FAM124B: variants seen among roughly 807,000 people sequenced by gnomAD.
FAM124B encodes the protein protein FAM124B.
FAM124B carries 18 observed loss-of-function variants against 19.7 expected under a neutral mutation model. The ratio of observed to expected loss-of-function variants is 0.92; its 90% confidence interval spans 0.63 to 1.36. The LOEUF (loss-of-function observed/expected upper bound fraction) is 1.36, where lower values mean the gene tolerates loss of function less well. Ranked by LOEUF, FAM124B falls within the 40% of genes most tolerant of loss-of-function variation. FAM124B has a pLI of 0.00. For synonymous variants in FAM124B, 223 were observed against 225.2 expected (o/e 0.99, Z 0.09); for missense variants, 540 against 553.3 (o/e 0.98, Z 0.24).
chr2:224,382,806 C>G (rs1689744654), intron 1 of FAM124B, among the ~76,000 whole-genome samples: 1 of 152,124 alleles, frequency 6.6e-6, no homozygotes, highest in Admixed American at 6.5e-5. Context: ...TAGCCTCTGC[C>G]TACGGGACCC....
intron 1 of FAM124B, among the ~76,000 whole-genome samples, chr2:224,394,275 C>T (rs562865037): frequency 2.6e-5 from 4 of 152,100 alleles, no homozygotes; most frequent in Non-Finnish European, 5.9e-5. Context: ...CACCTATGCC[C>T]CTAGCCCATG....
chr2:224,394,832 A>T (rs140277473), intron 1 of FAM124B, among the ~76,000 whole-genome samples: 193 of 152,142 alleles, frequency 1.3e-3, no homozygotes, highest in African/African-American at 4.4e-3. Context: ...TTCCCTACAC[A>T]CAAGGTGGGT....
At chr2:224,388,728 G>A (rs922255220) in intron 1 of FAM124B, among the ~76,000 whole-genome samples, 5 of 152,204 alleles carry the variant, frequency 3.3e-5, no homozygotes, top group Non-Finnish European at 7.3e-5. Flanking sequence ...GTATTGTTAT[G>A]TGTATTTTAC....
intron 1 of FAM124B, among the ~76,000 whole-genome samples, chr2:224,381,209 G>A (rs1689707373): frequency 6.6e-6 from 1 of 152,176 alleles, no homozygotes; most frequent in African/African-American, 2.4e-5. Context: ...TGTAATCCTA[G>A]CCCTTTGGGA....
Position 224,380,083 on chromosome 2 carries a change from C to T in FAM124B, c.858G>A (p.Gln286=). 1 of 1,551,712 alleles carries T rather than the reference C, an allele frequency of 6.4e-7. No homozygotes were observed. Among genetic ancestry groups the T allele is most frequent in the Non-Finnish European group, 8.7e-7 (1 of 1,147,016 alleles). ...RTSEPRSQRN[Q]GKRSQGHSLE... is the part of the protein sequence containing the mutation. ...GAGAATGCCCCTGGGACCTCTTGCC[C>T]TGGTTCCTCTGGCTCCTGGGTTCTG... Residue 286 remains glutamine (Q), a synonymous_variant, in exon 2 of 2, where the codon CAG becomes CAA. Coordinates refer to ENST00000409685, the MANE Select transcript of FAM124B (RefSeq NM_001122779.2).
chr2:224,392,353 A>G (rs1203007609), intron 1 of FAM124B, among the ~76,000 whole-genome samples: 1 of 152,188 alleles, frequency 6.6e-6, no homozygotes, highest in East Asian at 1.9e-4. Context: ...CTGAAATGAG[A>G]AGATCACTAG....
chr2:224,398,082 A>G (rs1253820614), intron 1 of FAM124B, among the ~76,000 whole-genome samples: 1 of 152,030 alleles, frequency 6.6e-6, no homozygotes, highest in East Asian at 1.9e-4. Context: ...CCCAGTCTCC[A>G]GCCTGTCTTT....
At chr2:224,393,902 G>A (rs1243143446) in intron 1 of FAM124B, among the ~76,000 whole-genome samples, 4 of 152,196 alleles carry the variant, frequency 2.6e-5, no homozygotes, top group Non-Finnish European at 2.9e-5. Context: ...GGTGGTAGCA[G>A]CAGTTACTGG....
chr2:224,383,200 C>G (rs147634311), intron 1 of FAM124B, among the ~76,000 whole-genome samples: 16 of 152,280 alleles, frequency 1.1e-4, no homozygotes, highest in Non-Finnish European at 2.1e-4. Flanking sequence ...TCAGAGTACA[C>G]CTGGCTGTCA....
At chr2:224,393,360 A>G (rs1158915637) in intron 1 of FAM124B, among the ~76,000 whole-genome samples, 1 of 152,216 alleles carries the variant, frequency 6.6e-6, no homozygotes, top group Non-Finnish European at 1.5e-5. Context: ...CCCAGACTGT[A>G]CTGATGTTGT....
At chr2:224,395,403 T>A (rs529598213) in intron 1 of FAM124B, among the ~76,000 whole-genome samples, 1 of 152,122 alleles carries the variant, frequency 6.6e-6, no homozygotes, top group South Asian at 2.1e-4. Flanking sequence ...GAGGGCACAG[T>A]TTAAGTTGCA....
At position 224,401,123 on chromosome 2, in the gene FAM124B, C is replaced by A. The variant is rs1372750818; in HGVS notation, c.646G>T (p.Val216Leu). ...ATGCATGGATTGGGTAGCAGAGGCA[C>A]TAACTGGCCGATCTCTTGAACCTTA... ...QFKVQEIGQL[V>L]PLLPNPCMPI... Residue 216 changes from valine to leucine, a missense_variant, in exon 1 of 2, where the codon GTG (valine) becomes TTG (leucine). By Grantham distance (32) the Val-to-Leu change is conservative (BLOSUM62 1). Transcript: ENST00000409685. The A allele has an allele frequency of 2.5e-6, 4 of 1,614,088 alleles. No individual in the cohort carries two copies. Among genetic ancestry groups the A allele is most frequent in the Admixed American group, 1.7e-5 (1 of 59,998 alleles).
chr2:224,396,617 C>T (rs1180358386), intron 1 of FAM124B, among the ~76,000 whole-genome samples: 3 of 152,208 alleles, frequency 2.0e-5, no homozygotes, highest in Non-Finnish European at 4.4e-5. Flanking sequence ...TCTGGAGACC[C>T]ACAACCTTCC....
Position 224,401,243 on chromosome 2 carries a change from G to A in FAM124B, c.526C>T (p.Leu176Phe). The A allele has an allele frequency of 3.7e-6, 6 of 1,614,122 alleles. No individual in the cohort carries two copies. The highest frequency in any genetic ancestry group is 4.2e-6 in the Non-Finnish European group (5 of 1,180,040). ...LQKSNFCFFVLYASKSFALQL... is the reference protein window; with the variant it reads ...LQKSNFCFFVFYASKSFALQL... The stretch of plus-strand genomic sequence containing the variant: ...AGAGCAAAGCTCTTGGAGGCATAGA[G>A]CACGAAGAAACAAAAATTGCTCTTT... Residue 176 changes from leucine (L) to phenylalanine (F), a missense_variant, in exon 1 of 2, where the codon CTC becomes TTC. Coordinates refer to ENST00000409685, the MANE Select transcript of FAM124B (RefSeq NM_001122779.2).
intron 1 of FAM124B, among the ~76,000 whole-genome samples, chr2:224,383,256 C>T (rs1403918853): frequency 3.3e-5 from 5 of 152,166 alleles, no homozygotes; most frequent in Non-Finnish European, 5.9e-5. Context: ...AGCGAAGTTT[C>T]GGAACTACTG....
chr2:224,383,432 C>T (rs1338589252), intron 1 of FAM124B, among the ~76,000 whole-genome samples: 1 of 152,126 alleles, frequency 6.6e-6, no homozygotes, highest in Admixed American at 6.6e-5. Context: ...TCTAATTCCA[C>T]AGCTCCGCCC....
chr2:224,390,215 G>A (rs1051118783), intron 1 of FAM124B, among the ~76,000 whole-genome samples: 2 of 150,656 alleles, frequency 1.3e-5, no homozygotes, highest in African/African-American at 2.4e-5. Context: ...GGGTTATGAC[G>A]GCCCACAGAG....
intron 1 of FAM124B, among the ~76,000 whole-genome samples, chr2:224,397,560 C>A (rs141692347): frequency 6.6e-6 from 1 of 152,248 alleles, no homozygotes; most frequent in African/African-American, 2.4e-5. Flanking sequence ...GCTCAGAAGA[C>A]AGGAAAATGT....
At chr2:224,394,133 C>A (rs1381961400) in intron 1 of FAM124B, among the ~76,000 whole-genome samples, 1 of 152,160 alleles carries the variant, frequency 6.6e-6, no homozygotes, top group Non-Finnish European at 1.5e-5. Flanking sequence ...TTCTTCTCAG[C>A]GTCTCTCACT....
Sources: gnomAD v4.1 joint callset for allele counts (sites outside exome capture counted in the v4.1 genomes callset) on GRCh38, gnomAD v4.1.1 for gene constraint, MANE v1.5 for transcripts, NCBI Gene and HGNC (gene_info 2026-07-23, HGNC 2026-07-21) for gene names.